The following LAMB1 variants were observed in gnomAD, a reference collection of about 807,000 sequenced individuals.
The protein encoded by LAMB1 is laminin subunit beta 1.
LAMB1 carries 121 observed loss-of-function variants against 222.3 expected under a neutral mutation model. That is an observed-to-expected ratio of 0.54 (90% CI 0.47 to 0.63). LAMB1 has a LOEUF of 0.63. Ranked by LOEUF, LAMB1 falls within the 30% of genes least tolerant of loss-of-function variation. The probability of loss-of-function intolerance (pLI) is 0.00; values close to 1 mark genes in which losing one functional copy is unlikely to be tolerated. For synonymous variants in LAMB1, 794 were observed against 807.2 expected, an observed-to-expected ratio of 0.98 and a Z score of 0.28; for missense variants, 2,172 against 2,240.8, an observed-to-expected ratio of 0.97 and a Z score of 0.62.
intron 17 of LAMB1, 119 bp downstream of exon 17, chr7:107,961,087 G>T: frequency 8.6e-7 from 1 of 1,157,788 alleles, no homozygotes; most frequent in Non-Finnish European, 1.2e-6. Flanking sequence ...GTGGAGGCAA[G>T]AAAGAATGAT....
chr7:107,933,702 A>C (rs1454776338), intron 27 of LAMB1, among the ~76,000 whole-genome samples: 2 of 152,234 alleles, frequency 1.3e-5, no homozygotes, highest in Admixed American at 6.5e-5. Flanking sequence ...CTACACAAGG[A>C]AATGGCAGTA....
chr7:107,996,296 T>G (rs893815985), intron 4 of LAMB1, among the ~76,000 whole-genome samples: 2 of 152,106 alleles, frequency 1.3e-5, no homozygotes, highest in Non-Finnish European at 2.9e-5. Context: ...ACTACAGGCT[T>G]TTTTTTATAT....
chr7:107,964,940 C>A (rs755369242), intron 13 of LAMB1, among the ~76,000 whole-genome samples: 1 of 152,240 alleles, frequency 6.6e-6, no homozygotes, highest in Non-Finnish European at 1.5e-5. Flanking sequence ...CCGTCCGCAT[C>A]ACATGAAGGT....
chr7:107,927,145 A>G (rs1193885593), intron 31 of LAMB1, among the ~76,000 whole-genome samples: 2 of 152,356 alleles, frequency 1.3e-5, no homozygotes, highest in African/African-American at 4.8e-5. Context: ...AATGAAGTTA[A>G]TAAGGGTCAG....
At position 107,998,602 on chromosome 7, in the gene LAMB1, AG is replaced by A; in HGVS notation, c.214-111del. ...TACAAAAATCAACCTATTAGCTTCA[AG>A]AAAAATAATTGTGTGAAAATTGCTT... On this transcript the variant is annotated intron_variant, in intron 3 of 33. Transcript: ENST00000222399. The A allele has an allele frequency of 9.2e-6, 8 of 872,858 alleles. No homozygotes were observed. The South Asian group carries it at 1.6e-4, about 18-fold the overall frequency. 54.1% of individuals were successfully genotyped at this position (872,858 alleles called of 1,614,324 possible). A position where few individuals can be genotyped will look rare whatever the true frequency, so the allele number is the denominator to read the frequency against.
intron 8 of LAMB1, among the ~76,000 whole-genome samples, chr7:107,979,216 A>G (rs1426422768): frequency 6.6e-6 from 1 of 152,234 alleles, no homozygotes; most frequent in Non-Finnish European, 1.5e-5. Context: ...TGGACCAATA[A>G]GATTAGAGAA....
At chr7:107,949,071 T>TA (rs2033187337) in intron 24 of LAMB1, among the ~76,000 whole-genome samples, 1 of 152,252 alleles carries the variant, frequency 6.6e-6, no homozygotes, top group South Asian at 2.1e-4. Flanking sequence ...AGCTGACCTT[T>TA]CTTCTGGATG....
chr7:107,933,166 A>G (rs1421851774), intron 27 of LAMB1, among the ~76,000 whole-genome samples: 1 of 152,256 alleles, frequency 6.6e-6, no homozygotes, highest in East Asian at 1.9e-4. Context: ...TACAAATGCA[A>G]ATTGATAAAT....
At chr7:107,928,942 T>A in intron 31 of LAMB1, 122 bp downstream of exon 31, 2 of 965,462 alleles carry the variant, frequency 2.1e-6, no homozygotes, top group East Asian at 4.8e-5. Flanking sequence ...TAGTTTAGAT[T>A]TATTAAAGGA....
intron 4 of LAMB1, among the ~76,000 whole-genome samples, chr7:107,996,017 T>C (rs1584542680): frequency 6.6e-6 from 1 of 152,298 alleles, no homozygotes; most frequent in Admixed American, 6.5e-5. Flanking sequence ...AAAAACATTA[T>C]ATTCACACTA....
chr7:107,960,573 C>A lies in LAMB1; in HGVS notation c.2186G>T (p.Ser729Ile). The change falls in exon 18 of 34, where the codon AGT (serine) becomes ATT (isoleucine). Residue 729 changes from serine (S) to isoleucine (I), a missense_variant. Ser to Ile is a moderately radical substitution (Grantham distance 142). Coordinates refer to ENST00000222399, the MANE Select transcript of LAMB1 (RefSeq NM_002291.3). ...GTATCTCTGAAAGGTTTCCCAGGCA[C>A]TGTTGGTGACCACCCCATCTCCTGA... ...GGSGDGVVTNSAWETFQRYRC... is the reference protein window; with the variant it reads ...GGSGDGVVTNIAWETFQRYRC... The A allele has an allele frequency of 1.2e-6, 2 of 1,614,180 alleles. No individual in the cohort carries two copies. Among genetic ancestry groups the A allele is most frequent in the Non-Finnish European group, 1.7e-6 (2 of 1,179,978 alleles).
intron 5 of LAMB1, among the ~76,000 whole-genome samples, chr7:107,990,093 C>G (rs139961531): frequency 6.6e-6 from 1 of 151,968 alleles, no homozygotes; most frequent in East Asian, 1.9e-4. Flanking sequence ...GGCTGGAGTG[C>G]ACTAGTACAA....
chr7:107,937,701 C>T (rs998970184), intron 25 of LAMB1, among the ~76,000 whole-genome samples: 1 of 152,186 alleles, frequency 6.6e-6, no homozygotes, highest in Non-Finnish European at 1.5e-5. Flanking sequence ...TTCCCTAAGC[C>T]TCAGGGATCT....
chr7:107,938,676 G>A (rs2032907787), intron 25 of LAMB1, among the ~76,000 whole-genome samples: 1 of 152,142 alleles, frequency 6.6e-6, no homozygotes, highest in Admixed American at 6.5e-5. Context: ...CCCAGGCCAA[G>A]GATCATTTCC....
At position 107,952,232 on chromosome 7, in the gene LAMB1, G is replaced by A; in HGVS notation, c.3080-9C>T. The A allele has an allele frequency of 6.3e-7, 1 of 1,583,746 alleles. No homozygotes were observed. The highest frequency in any genetic ancestry group is 8.6e-7 in the Non-Finnish European group (1 of 1,156,530). ...GTAATTACAGACACACTCTGCAAAA[G>A]AACATCACATTTACTTATTGTCACA... On this transcript the variant is annotated splice_polypyrimidine_tract_variant and intron_variant, in intron 22 of 33. Transcript: ENST00000222399.
intron 8 of LAMB1, among the ~76,000 whole-genome samples, chr7:107,979,027 G>A (rs994967645): frequency 2.0e-5 from 3 of 152,204 alleles, no homozygotes; most frequent in African/African-American, 7.2e-5. Flanking sequence ...CTAAAGTCCT[G>A]TTATTACCAG....
At chr7:107,951,644 G>C (rs2033252889) in intron 23 of LAMB1, among the ~76,000 whole-genome samples, 1 of 147,428 alleles carries the variant, frequency 6.8e-6, no homozygotes, top group Non-Finnish European at 1.5e-5. Flanking sequence ...GCCCTCCTTA[G>C]CATGTGTCAG....
intron 24 of LAMB1, among the ~76,000 whole-genome samples, chr7:107,944,285 T>C (rs769932937): frequency 2.6e-5 from 4 of 152,194 alleles, no homozygotes; most frequent in Non-Finnish European, 5.9e-5. Flanking sequence ...GTCATAGGCA[T>C]CTTTAAGGGG....
rs1584550375 is a variant in LAMB1, at chr7:108,002,987, G to A, written c.-86-16C>T. Reference sequence around the variant, plus strand: ...GTCTTCCTTTCTGGAGAGGTGGAAAGGAGGGGAAAAAAGGCAAATGTTCAA... The same window carrying A: ...GTCTTCCTTTCTGGAGAGGTGGAAAAGAGGGGAAAAAAGGCAAATGTTCAA... On this transcript the variant is annotated splice_polypyrimidine_tract_variant and intron_variant, in intron 1 of 33. Coordinates refer to ENST00000222399, the MANE Select transcript of LAMB1 (RefSeq NM_002291.3). 1.2e-5 allele frequency: 19 copies of A among 1,574,194 alleles called. No individual in the cohort carries two copies. Among genetic ancestry groups the A allele is most frequent in the Non-Finnish European group, 1.6e-5 (19 of 1,167,004 alleles).
Sources: gnomAD v4.1 joint callset for allele counts (sites outside exome capture counted in the v4.1 genomes callset) on GRCh38, gnomAD v4.1.1 for gene constraint, MANE v1.5 for transcripts, NCBI Gene and HGNC (gene_info 2026-07-23, HGNC 2026-07-21) for gene names.